Variants in STK33 observed in about 807,000 individuals in gnomAD.
STK33 encodes serine/threonine kinase 33.
A neutral mutation model predicts 58.0 loss-of-function variants in STK33; 52 were observed. That is an observed-to-expected ratio of 0.90 (90% CI 0.72 to 1.13). The LOEUF is 1.13. Ranked by LOEUF, STK33 falls within the 50% of genes most tolerant of loss-of-function variation. The pLI, the probability that STK33 is intolerant of heterozygous loss-of-function variation, is 0.00. For synonymous variants in STK33, 215 were observed against 200.1 expected (o/e 1.07, Z -0.63); for missense variants, 630 against 604.2 (o/e 1.04, Z -0.45).
intron 14 of STK33, among the ~76,000 whole-genome samples, chr11:8,416,553 C>A (rs1452741512): frequency 6.6e-6 from 1 of 152,144 alleles, no homozygotes; most frequent in African/African-American, 2.4e-5. Context: ...CAGTTTCATA[C>A]TGCTCTGCTA....
intron 6 of STK33, among the ~76,000 whole-genome samples, chr11:8,469,403 G>A (rs558371098): frequency 6.6e-6 from 1 of 152,290 alleles, no homozygotes; most frequent in South Asian, 2.1e-4. Context: ...TCGTGAGACT[G>A]CAAAAAGTCA....
downstream of STK33, among the ~76,000 whole-genome samples, chr11:8,387,316 G>A (rs115976229): frequency 0.013 from 1,950 of 152,212 alleles, 48 homozygotes; most frequent in African/African-American, 0.044. Flanking sequence ...GCAAAAACAC[G>A]AACATCTTGA....
chr11:8,456,883 G>A (rs1946922207), intron 9 of STK33, among the ~76,000 whole-genome samples: 1 of 152,116 alleles, frequency 6.6e-6, no homozygotes, highest in African/African-American at 2.4e-5. Context: ...TCTAGTGGGG[G>A]ATTTTGACAG....
chr11:8,371,822 C>G, the STK33 span, among the ~76,000 whole-genome samples: 6 of 142,950 alleles, frequency 4.2e-5, no homozygotes, highest in Non-Finnish European at 9.2e-5. Flanking sequence ...TCCCTTCCTC[C>G]TTCCCTCCCA....
intron 1 of STK33, among the ~76,000 whole-genome samples, chr11:8,522,986 G>A (rs1040330987): frequency 6.6e-6 from 1 of 152,322 alleles, no homozygotes; most frequent in East Asian, 1.9e-4. Context: ...TGGAGACGGG[G>A]TTTCGCCGTG....
chr11:8,509,215 T>G (rs997991019), intron 1 of STK33, among the ~76,000 whole-genome samples: 2 of 151,356 alleles, frequency 1.3e-5, no homozygotes, highest in Admixed American at 6.6e-5. Context: ...ATATAAAGGA[T>G]AAGAGTTCAA....
chr11:8,519,375 C>T (rs1337469911), intron 1 of STK33, among the ~76,000 whole-genome samples: 1 of 152,066 alleles, frequency 6.6e-6, no homozygotes, highest in African/African-American at 2.4e-5. Flanking sequence ...ACTAAATGCC[C>T]ACAAGAGAAA....
the STK33 span, among the ~76,000 whole-genome samples, chr11:8,375,443 G>T: frequency 6.6e-6 from 1 of 152,184 alleles, no homozygotes; most frequent in South Asian, 2.1e-4. Flanking sequence ...CCTGGAACTT[G>T]TGTTAATTTA....
chr11:8,527,544 T>C (rs1275810833), intron 1 of STK33, among the ~76,000 whole-genome samples: 1 of 152,024 alleles, frequency 6.6e-6, no homozygotes, highest in Non-Finnish European at 1.5e-5. Flanking sequence ...GTGGAAGACA[T>C]AAGTAGGCAC....
intron 1 of STK33, among the ~76,000 whole-genome samples, chr11:8,495,534 G>A (rs1345577279): frequency 6.6e-6 from 1 of 152,196 alleles, no homozygotes; most frequent in African/African-American, 2.4e-5. Flanking sequence ...GTGGAAGACA[G>A]TGTGGTGATT....
intron 6 of STK33, among the ~76,000 whole-genome samples, chr11:8,471,177 T>C (rs948592680): frequency 3.3e-5 from 5 of 152,208 alleles, no homozygotes; most frequent in Admixed American, 1.3e-4. Context: ...CCCCAATTTT[T>C]CTTGTTCTTT....
chr11:8,434,084 A>T (rs1341525514), intron 14 of STK33: 1 of 155,302 alleles, frequency 6.4e-6, no homozygotes, highest in Non-Finnish European at 1.4e-5. Context: ...ATTGCTGGGC[A>T]TGGTGGTGCA....
At chr11:8,535,715 A>G (rs894103453) in intron 1 of STK33, among the ~76,000 whole-genome samples, 1 of 152,230 alleles carries the variant, frequency 6.6e-6, no homozygotes, top group Non-Finnish European at 1.5e-5. Flanking sequence ...ATTACTATCA[A>G]TGCAGTAATC....
At chr11:8,341,259 C>A in the STK33 span, among the ~76,000 whole-genome samples, 1 of 152,146 alleles carries the variant, frequency 6.6e-6, no homozygotes, top group Non-Finnish European at 1.5e-5. Context: ...GTGCTTGGGC[C>A]CCTTGTATCT....
chr11:8,374,421 G>A, the STK33 span, among the ~76,000 whole-genome samples: 1 of 152,190 alleles, frequency 6.6e-6, no homozygotes, highest in Non-Finnish European at 1.5e-5. Flanking sequence ...TCACAGTTCT[G>A]GAGGCTGGAA....
intron 1 of STK33, among the ~76,000 whole-genome samples, chr11:8,534,428 T>TG (rs1176055589): frequency 1.3e-5 from 2 of 152,156 alleles, no homozygotes; most frequent in African/African-American, 4.8e-5. Context: ...TAGGTCATTT[T>TG]GGTGGGCACA....
chr11:8,337,638 C>CTGGGG, the STK33 span, among the ~76,000 whole-genome samples: 1 of 4,874 alleles, frequency 2.1e-4, no homozygotes, highest in Admixed American at 3.0e-3. Context: ...TTGACGACGG[C>CTGGGG]GGGGGGCGGG....
chr11:8,530,373 A>G (rs890879006), intron 1 of STK33, among the ~76,000 whole-genome samples: 2 of 152,048 alleles, frequency 1.3e-5, no homozygotes, highest in Admixed American at 6.5e-5. Context: ...TGGTAAGGGA[A>G]GAAGAGAGGG....
chr11:8,591,016 AG>A (rs1201619142), intron 1 of STK33, among the ~76,000 whole-genome samples: 2 of 152,252 alleles, frequency 1.3e-5, no homozygotes, highest in Non-Finnish European at 2.9e-5. Context: ...GATGAATAAA[AG>A]TAGAAAATAG....
Sources: allele counts gnomAD v4.1 joint callset (sites outside exome capture counted in the v4.1 genomes callset), GRCh38; gene constraint gnomAD v4.1.1; transcripts MANE v1.5; gene names NCBI Gene and HGNC (gene_info 2026-07-23, HGNC 2026-07-21).